Variants in CDKAL1 observed in about 807,000 individuals in gnomAD.
The protein encoded by CDKAL1 is threonylcarbamoyladenosine tRNA methylthiotransferase.
Under a neutral mutation model 68.2 loss-of-function variants are expected in CDKAL1, and 32 were observed. The observed-to-expected ratio is 0.47, with a 90% CI of 0.35 to 0.63. The LOEUF (loss-of-function observed/expected upper bound fraction) is 0.63, where lower values mean the gene tolerates loss of function less well. Among genes scored for constraint, CDKAL1 ranks in the 30% least tolerant of loss-of-function variants. CDKAL1 has a pLI of 0.00. For missense variants in CDKAL1, 606 were observed against 696.7 expected, an observed-to-expected ratio of 0.87 and a Z score of 1.47; for synonymous variants, 234 against 244.3, an observed-to-expected ratio of 0.96 and a Z score of 0.39.
intron 9 of CDKAL1, among the ~76,000 whole-genome samples, chr6:20,853,429 G>T (rs987207221): frequency 2.0e-4 from 31 of 151,834 alleles, no homozygotes; most frequent in African/African-American, 6.5e-4. Context: ...TATGATAGGG[G>T]TTATTGATGA....
chr6:20,987,759 G>C (rs1045856271), intron 10 of CDKAL1, among the ~76,000 whole-genome samples: 1 of 151,916 alleles, frequency 6.6e-6, no homozygotes, highest in African/African-American at 2.4e-5. Context: ...TCCACTTACT[G>C]CTCTTGACTA....
intron 15 of CDKAL1, among the ~76,000 whole-genome samples, chr6:21,227,260 C>T (rs1270456731): frequency 1.3e-5 from 2 of 152,182 alleles, no homozygotes; most frequent in Non-Finnish European, 2.9e-5. Flanking sequence ...TCCCTGCTTT[C>T]AACTGGTATG....
intron 8 of CDKAL1, among the ~76,000 whole-genome samples, chr6:20,831,858 A>G (rs745977363): frequency 5.3e-5 from 8 of 152,188 alleles, no homozygotes; most frequent in Non-Finnish European, 1.0e-4. Flanking sequence ...GAATGAACGT[A>G]GAATGGTCGA....
chr6:20,678,272 GTTC>G (rs1472678404), intron 5 of CDKAL1, among the ~76,000 whole-genome samples: 21 of 152,114 alleles, frequency 1.4e-4, no homozygotes, highest in African/African-American at 4.6e-4. Flanking sequence ...TCTCTAAAGT[GTTC>G]TTCTTGGGCT....
chr6:20,940,706 T>C (rs996530944), intron 9 of CDKAL1, among the ~76,000 whole-genome samples: 2 of 152,162 alleles, frequency 1.3e-5, no homozygotes, highest in African/African-American at 4.8e-5. Context: ...CCCAGCTCAG[T>C]TGTAAAAATT....
At chr6:20,982,819 AT>A (rs1431563064) in intron 10 of CDKAL1, among the ~76,000 whole-genome samples, 1 of 152,164 alleles carries the variant, frequency 6.6e-6, no homozygotes, top group East Asian at 1.9e-4. Flanking sequence ...ATAAATCTAT[AT>A]TTTTAATGCA....
At chr6:20,608,409 T>C (rs555368970) in intron 4 of CDKAL1, among the ~76,000 whole-genome samples, 1 of 152,310 alleles carries the variant, frequency 6.6e-6, no homozygotes, top group Non-Finnish European at 1.5e-5. Context: ...AGTGTGACTT[T>C]GTATAACTGC....
intron 4 of CDKAL1, among the ~76,000 whole-genome samples, chr6:20,611,627 A>G (rs1442657007): frequency 1.3e-5 from 2 of 152,136 alleles, no homozygotes; most frequent in Non-Finnish European, 2.9e-5. Context: ...TTAATACATA[A>G]TATGTTACAT....
chr6:20,691,979 A>G (rs1041017219), intron 5 of CDKAL1, among the ~76,000 whole-genome samples: 1 of 152,202 alleles, frequency 6.6e-6, no homozygotes, highest in Admixed American at 6.5e-5. Flanking sequence ...GGTATGCACA[A>G]AAGTTTTTAA....
chr6:20,749,675 G>A (rs901019308), intron 6 of CDKAL1, among the ~76,000 whole-genome samples: 2 of 151,520 alleles, frequency 1.3e-5, no homozygotes, highest in African/African-American at 2.4e-5. Flanking sequence ...AGCCTCCCAA[G>A]TAGCTGGGAC....
At chr6:20,800,025 C>T (rs943421375) in intron 8 of CDKAL1, among the ~76,000 whole-genome samples, 2 of 152,188 alleles carry the variant, frequency 1.3e-5, no homozygotes, top group African/African-American at 4.8e-5. Context: ...TTGCAAATCC[C>T]CCCTTTGCAG....
intron 9 of CDKAL1, among the ~76,000 whole-genome samples, chr6:20,923,192 G>T (rs1307199235): frequency 1.3e-5 from 2 of 152,072 alleles, no homozygotes; most frequent in South Asian, 2.1e-4. Flanking sequence ...AAGTGTGGGG[G>T]TTATAGGCAC....
chr6:20,963,011 TA>T (rs1281295702), intron 10 of CDKAL1, among the ~76,000 whole-genome samples: 1 of 152,188 alleles, frequency 6.6e-6, no homozygotes, highest in Non-Finnish European at 1.5e-5. Context: ...TTCTGAATAT[TA>T]AAGAGAGAAA....
intron 9 of CDKAL1, among the ~76,000 whole-genome samples, chr6:20,932,531 T>C (rs1432154001): frequency 6.6e-6 from 1 of 152,186 alleles, no homozygotes; most frequent in Non-Finnish European, 1.5e-5. Context: ...ACAAAGGGAT[T>C]CCTGCTGACT....
rs115599687 is a variant in CDKAL1 at position 20,626,982 on chromosome 6, G to A, written c.287-22311G>A. ...TCTAGCCTCTACTGTAGACGGGGAA[G>A]GGAGAAGGAGTTTGGAAATACATTC... is the stretch of plus-strand genomic sequence containing the variant. On this transcript the variant is annotated intron_variant, in intron 4 of 15. Coordinates refer to ENST00000274695, the MANE Select transcript of CDKAL1 (RefSeq NM_017774.3). Among the ~76,000 whole-genome samples the A allele has an allele frequency of 4.2e-3, 645 of 152,288 alleles. 1 individual carries two copies. Among genetic ancestry groups the A allele is most frequent in the African/African-American group, 0.015 (609 of 41,560 alleles).
intron 15 of CDKAL1, among the ~76,000 whole-genome samples, chr6:21,229,481 G>T (rs1437647077): frequency 1.3e-5 from 2 of 152,106 alleles, no homozygotes; most frequent in East Asian, 3.9e-4. Flanking sequence ...CACCATTCCA[G>T]TGTCTCTCCT....
chr6:20,768,151 G>A (rs1177011835), intron 7 of CDKAL1, among the ~76,000 whole-genome samples: 1 of 152,152 alleles, frequency 6.6e-6, no homozygotes, highest in Non-Finnish European at 1.5e-5. Context: ...GTGCTGTTGG[G>A]TGCTGCTGTG....
intron 10 of CDKAL1, among the ~76,000 whole-genome samples, chr6:20,992,208 A>G (rs9366372): frequency 0.7 from 101,399 of 144,538 alleles, 37,266 homozygotes; most frequent in East Asian, 0.88. Flanking sequence ...ATATATATAT[A>G]TATGTATTTT....
At chr6:20,566,897 A>T (rs937005270) in intron 4 of CDKAL1, among the ~76,000 whole-genome samples, 2 of 152,174 alleles carry the variant, frequency 1.3e-5, no homozygotes, top group African/African-American at 4.8e-5. Context: ...TAGAAGGAAA[A>T]CAATTTATGT....
Sources: allele counts gnomAD v4.1 joint callset (sites outside exome capture counted in the v4.1 genomes callset), GRCh38; gene constraint gnomAD v4.1.1; transcripts MANE v1.5; gene names NCBI Gene and HGNC (gene_info 2026-07-23, HGNC 2026-07-21).